DENND2B: variants seen among roughly 807,000 people sequenced by gnomAD.
DENND2B encodes DENN domain-containing protein 2B.
Under a neutral mutation model 116.0 loss-of-function variants are expected in DENND2B, and 32 were observed. The ratio of observed to expected loss-of-function variants is 0.28; its 90% CI spans 0.21 to 0.37. DENND2B has a LOEUF of 0.37. DENND2B is among the 10% of genes least tolerant of loss of function. The pLI is 1.00. For synonymous variants in DENND2B, 588 were observed against 583.9 expected (o/e 1.01, Z -0.10); for missense variants, 1,276 against 1,477.7 (o/e 0.86, Z 2.24).
At chr11:8,781,668 AAGTT>A in intron 1 of DENND2B, among the ~76,000 whole-genome samples, 1 of 152,082 alleles carries the variant, frequency 6.6e-6, no homozygotes. Context: ...AACCTATACA[AAGTT>A]AAAAGATAAG....
intron 4 of DENND2B, among the ~76,000 whole-genome samples, chr11:8,833,318 TTA>T (rs2062291482): frequency 6.6e-6 from 1 of 152,184 alleles, no homozygotes; most frequent in Admixed American, 6.5e-5. Flanking sequence ...TGCCTTCCTG[TTA>T]TATACTAAGT....
intron 1 of DENND2B, among the ~76,000 whole-genome samples, chr11:8,755,768 A>G (rs773502781): frequency 1.3e-5 from 2 of 152,162 alleles, no homozygotes; most frequent in African/African-American, 4.8e-5. Flanking sequence ...GATTACAGGC[A>G]TGAGCCACCA....
At chr11:8,845,025 A>G (rs2062763095) in intron 3 of DENND2B, among the ~76,000 whole-genome samples, 1 of 152,180 alleles carries the variant, frequency 6.6e-6, no homozygotes, top group South Asian at 2.1e-4. Flanking sequence ...TACAGGTGTG[A>G]GCCACCACAT....
chr11:8,717,993 A>G, intron 4 of DENND2B, 101 bp from the exon 5 acceptor site: 1 of 1,406,164 alleles, frequency 7.1e-7, no homozygotes, highest in Non-Finnish European at 9.7e-7. Context: ...TGAACCAAAG[A>G]GAATGGCTTC....
At chr11:8,861,635 A>G (rs549811114) in intron 2 of DENND2B, among the ~76,000 whole-genome samples, 11 of 152,222 alleles carry the variant, frequency 7.2e-5, no homozygotes, top group Non-Finnish European at 1.0e-4. Context: ...GATTTCTCAA[A>G]TAACTAAAAA....
Position 8,714,038 on chromosome 11 carries a change from T to C in DENND2B, c.1947A>G (p.Glu649=). 1 of 1,614,110 alleles carries C rather than the reference T, an allele frequency of 6.2e-7. No individual in the cohort carries two copies. Among genetic ancestry groups the C allele is most frequent in the Non-Finnish European group, 8.5e-7 (1 of 1,180,032 alleles). The change falls in exon 8 of 20, where the codon GAA becomes GAG. Residue 649 remains glutamate (E), a synonymous_variant. Transcript: ENST00000313726. The part of the protein sequence containing the change: ...SSIETASLRD[E]NSESESDSDD... ...CAGAGTCGCTCTCGCTCTCACTGTT[T>C]TCATCTGGAAAAGGAACAGCAGAGT...
At chr11:8,849,445 A>C (rs1182464292) in intron 3 of DENND2B, among the ~76,000 whole-genome samples, 1 of 144,308 alleles carries the variant, frequency 6.9e-6, no homozygotes, top group Non-Finnish European at 1.5e-5. Flanking sequence ...ATGAGCCGAG[A>C]TCACACCATT....
chr11:8,860,849 A>G (rs1163596423), intron 2 of DENND2B, among the ~76,000 whole-genome samples: 1 of 152,238 alleles, frequency 6.6e-6, no homozygotes, highest in Non-Finnish European at 1.5e-5. Context: ...TACACAGACC[A>G]GTGAAACAGA....
chr11:8,903,640 T>A (rs2064199007), intron 1 of DENND2B, among the ~76,000 whole-genome samples: 1 of 151,816 alleles, frequency 6.6e-6, no homozygotes, highest in South Asian at 2.1e-4. Context: ...TGAAACTGAC[T>A]CAAGATGGAA....
Position 8,715,693 on chromosome 11 carries a change from A to C in DENND2B, c.1755T>G (p.Ser585Arg), listed in dbSNP as rs752393057. ...HDDMLLLAQLSLPSSPSSLNE... is the reference protein window; with the variant it reads ...HDDMLLLAQLRLPSSPSSLNE... ...TGAGGCTGGAGGGTGAGGACGGCAG[A>C]CTCAGCTGAGCCAGCAGCAGCATGT... The change falls in exon 6 of 20, where the codon AGT (serine) becomes AGG (arginine). Residue 585 changes from serine (S) to arginine (R), a missense_variant. Ser to Arg is a moderately radical substitution (Grantham distance 110). Around this residue, in one of 2 missense-constraint regions of DENND2B, gnomAD observed 856 missense variants for 846.6 expected, o/e 1.01. Transcript: ENST00000313726. The C allele has an allele frequency of 6.2e-6, 10 of 1,614,146 alleles. No homozygotes were observed. The highest frequency in any genetic ancestry group is 8.5e-6 in the Non-Finnish European group (10 of 1,180,016).
upstream of DENND2B, among the ~76,000 whole-genome samples, chr11:8,874,342 T>C (rs2063821453): frequency 6.6e-6 from 1 of 152,246 alleles, no homozygotes; most frequent in Admixed American, 6.5e-5. Flanking sequence ...TATTTTAACC[T>C]TGAGAGCCTT....
chr11:8,838,783 C>G (rs1050119383), intron 4 of DENND2B, among the ~76,000 whole-genome samples: 2 of 152,088 alleles, frequency 1.3e-5, no homozygotes, highest in Admixed American at 6.5e-5. Context: ...AAAGCATTTA[C>G]GGAAAACTTA....
At chr11:8,790,791 T>C (rs1331125405) in intron 1 of DENND2B, among the ~76,000 whole-genome samples, 1 of 152,048 alleles carries the variant, frequency 6.6e-6, no homozygotes, top group African/African-American at 2.4e-5. Flanking sequence ...AAATTCTGTT[T>C]AAGCCCCTGG....
At chr11:8,893,221 T>C (rs1182228997) in intron 1 of DENND2B, among the ~76,000 whole-genome samples, 1 of 152,130 alleles carries the variant, frequency 6.6e-6, no homozygotes, top group African/African-American at 2.4e-5. Flanking sequence ...AAACTCTCAA[T>C]AAATTAGGTA....
chr11:8,718,096 A>ACCTCCCCC, intron 4 of DENND2B: 2 of 65,008 alleles, frequency 3.1e-5, no homozygotes, highest in African/African-American at 1.4e-4. Context: ...AAGCAGACCC[A>ACCTCCCCC]CCCCCCCACC....
chr11:8,766,515 A>C (rs1593363014), intron 1 of DENND2B: 1 of 912,346 alleles, frequency 1.1e-6, no homozygotes, highest in East Asian at 6.2e-5. Flanking sequence ...CAATGTCCAC[A>C]AGCCAAATCA....
intron 1 of DENND2B, among the ~76,000 whole-genome samples, chr11:8,763,962 G>T (rs994251560): frequency 4.6e-5 from 7 of 152,134 alleles, no homozygotes; most frequent in African/African-American, 1.7e-4. Flanking sequence ...GGTGGCTCAA[G>T]CCTGGAATCC....
chr11:8,890,947 A>ATTTGAATTGAAT (rs2064024170), intron 1 of DENND2B, among the ~76,000 whole-genome samples: 1 of 152,302 alleles, frequency 6.6e-6, no homozygotes, highest in African/African-American at 2.4e-5. Flanking sequence ...TGTCAGATTC[A>ATTTGAATTGAAT]CCAAAGTTGA....
intron 1 of DENND2B, among the ~76,000 whole-genome samples, chr11:8,761,912 C>T (rs551334186): frequency 6.6e-6 from 1 of 152,258 alleles, no homozygotes; most frequent in South Asian, 2.1e-4. Flanking sequence ...AAGCCATCTA[C>T]AAAGAACAGT....
Sources: gnomAD v4.1 joint callset for allele counts (sites outside exome capture counted in the v4.1 genomes callset) on GRCh38, gnomAD v4.1.1 for gene constraint, gnomAD v4.1.1 regional missense constraint, MANE v1.5 for transcripts, NCBI Gene and HGNC (gene_info 2026-07-23, HGNC 2026-07-21) for gene names.